ITGAE: variants seen among roughly 807,000 people sequenced by gnomAD.
ITGAE encodes the protein integrin subunit alpha E.
In ITGAE, 99 loss-of-function variants were observed where a neutral mutation model predicts 136.5. The ratio of observed to expected loss-of-function variants is 0.73; its 90% CI spans 0.62 to 0.86. The LOEUF (loss-of-function observed/expected upper bound fraction) is 0.86, where lower values mean the gene tolerates loss of function less well. Among genes scored for constraint, ITGAE ranks in the 40% least tolerant of loss-of-function variants. The pLI is 0.00. For synonymous variants in ITGAE, 613 were observed against 591.8 expected (o/e 1.04, Z -0.52); for missense variants, 1,447 against 1,515.3 (o/e 0.95, Z 0.75).
At position 3,796,263 on chromosome 17, in the gene ITGAE, G is replaced by A. The variant is rs76283614; in HGVS notation, c.34+4848C>T. Among the ~76,000 whole-genome samples, 547 of 151,946 alleles carry A rather than the reference G, an allele frequency of 3.6e-3. 7 individuals are homozygous for A. The highest frequency in any genetic ancestry group is 0.03 in the Admixed American group (453 of 15,228). On this transcript the variant is annotated intron_variant, in intron 1 of 30. Coordinates refer to ENST00000263087, the MANE Select transcript of ITGAE (RefSeq NM_002208.5). Reference sequence around the variant, plus strand: ...CTGGTGCCCAGGTCTGCCAGGCCTGGCTCAGCTTGTTTCCTCAGACTGGAC... The same window carrying A: ...CTGGTGCCCAGGTCTGCCAGGCCTGACTCAGCTTGTTTCCTCAGACTGGAC...
intron 19 of ITGAE, among the ~76,000 whole-genome samples, chr17:3,740,745 T>G (rs2051566072): frequency 6.6e-6 from 1 of 152,244 alleles, no homozygotes; most frequent in South Asian, 2.1e-4. Flanking sequence ...GAAAGCCACA[T>G]TTCAAAAGGC....
At position 3,725,202 on chromosome 17, in the gene ITGAE, C is replaced by T. The variant is rs771880078; in HGVS notation, c.3085-1458G>A. The T allele has an allele frequency of 4.3e-6, 7 of 1,614,038 alleles. No individual in the cohort carries two copies. The highest frequency in any genetic ancestry group is 4.5e-5 in the East Asian group (2 of 44,894). On this transcript the variant is annotated intron_variant, in intron 26 of 30. Coordinates refer to ENST00000263087, the MANE Select transcript of ITGAE (RefSeq NM_002208.5). ...ATCCCTCCTATCAGAATGTTCAAAC[C>T]GGCCTGTCATGAACAGAACAAGTGG...
Position 3,731,060 on chromosome 17 carries a change from C to G in ITGAE, c.2834+44G>C, listed in dbSNP as rs771551030. The G allele has an allele frequency of 2.0e-6, 3 of 1,512,276 alleles. No individual in the cohort carries two copies. In the African/African-American group the frequency reaches 4.1e-5, roughly 21 times the overall value. 93.7% of individuals were successfully genotyped at this position (1,512,276 alleles called of 1,614,324 possible). ...CGTGCATGTGGCAGGGAGATGTCTT[C>G]CGGGGTCATAGCCTGACTCTGCTGT... On this transcript the variant is annotated intron_variant, in intron 23 of 30. Coordinates refer to ENST00000263087, the MANE Select transcript of ITGAE (RefSeq NM_002208.5).
At chr17:3,765,725 T>C (rs988483964) in intron 2 of ITGAE, among the ~76,000 whole-genome samples, 1 of 152,088 alleles carries the variant, frequency 6.6e-6, no homozygotes, top group Admixed American at 6.6e-5. Context: ...TCGAACACTT[T>C]TTTCTAGATT....
chr17:3,750,301 C>A (rs930576776), intron 16 of ITGAE, 51 bp downstream of exon 16: 2 of 1,605,380 alleles, frequency 1.2e-6, no homozygotes. Context: ...TAGAGCAGGG[C>A]AAATGGGTGA....
chr17:3,737,348 G>A (rs2051481766), intron 20 of ITGAE, among the ~76,000 whole-genome samples: 1 of 152,074 alleles, frequency 6.6e-6, no homozygotes. Context: ...AGAAGTCAGA[G>A]ACAGTAAAGC....
chr17:3,726,965 T>A (rs1326921611), intron 26 of ITGAE, among the ~76,000 whole-genome samples: 2 of 152,056 alleles, frequency 1.3e-5, no homozygotes, highest in Non-Finnish European at 2.9e-5. Context: ...CCTCACCTTG[T>A]GATCCACCCA....
chr17:3,726,558 T>G, intron 26 of ITGAE: 1 of 519,670 alleles, frequency 1.9e-6, no homozygotes, highest in Non-Finnish European at 3.4e-6. Context: ...CCGGGCACAG[T>G]GGCGTGCGCC....
Position 3,747,994 on chromosome 17 carries a change from T to C in ITGAE, c.2083A>G (p.Ile695Val). 6.2e-7 allele frequency: 1 copy of C among 1,612,550 alleles called. No homozygotes were observed. Reference protein sequence around the residue: ...SMAFTPSALPIGFNGVVNVRL... With the variant: ...SMAFTPSALPVGFNGVVNVRL... ...ACATTCACGACGCCGTTGAAGCCGATGGGCAGTGCGCTGGGGGTGAAGGCC... is the reference window on the plus strand; with the variant it reads ...ACATTCACGACGCCGTTGAAGCCGACGGGCAGTGCGCTGGGGGTGAAGGCC... Residue 695 changes from isoleucine to valine, a missense_variant, in exon 17 of 31, where the codon ATC becomes GTC. Coordinates refer to ENST00000263087, the MANE Select transcript of ITGAE (RefSeq NM_002208.5).
chr17:3,715,118 T>G (rs1386498849), intron 30 of ITGAE, among the ~76,000 whole-genome samples, 176 bp from the exon 31 acceptor site: 1 of 152,180 alleles, frequency 6.6e-6, no homozygotes, highest in African/African-American at 2.4e-5. Context: ...CTTCAAGACC[T>G]CTGGTGCTCA....
chr17:3,753,342 T>C lies in ITGAE; in HGVS notation c.1616A>G (p.Tyr539Cys), dbSNP rs142745009. 8 of 1,613,926 alleles carry C rather than the reference T, an allele frequency of 5.0e-6. No homozygotes were observed. Among genetic ancestry groups the C allele is most frequent in the African/African-American group, 1.3e-5 (1 of 74,878 alleles). The change falls in exon 14 of 31, where the codon TAC becomes TGC. Residue 539 changes from tyrosine (Y) to cysteine (C), a missense_variant. Tyr to Cys is a radical substitution (Grantham distance 194). Coordinates refer to ENST00000263087, the MANE Select transcript of ITGAE (RefSeq NM_002208.5). Reference protein sequence around the residue: ...TDFLLVAAPFYHVHGEEGRVY... With the variant: ...TDFLLVAAPFCHVHGEEGRVY... The stretch of plus-strand genomic sequence containing the variant: ...TCTGCCTTCTTCTCCATGAACGTGG[T>C]AAAATGGAGCAGCCACCAGCAAGAA...
intron 3 of ITGAE, among the ~76,000 whole-genome samples, chr17:3,762,370 C>T (rs2052194176): frequency 6.6e-6 from 1 of 152,086 alleles, no homozygotes; most frequent in Non-Finnish European, 1.5e-5. Context: ...TGCAAGATAC[C>T]GTGGGACTGG....
chr17:3,782,307 G>T (rs1461068633), intron 1 of ITGAE, among the ~76,000 whole-genome samples: 2 of 141,532 alleles, frequency 1.4e-5, no homozygotes, highest in Admixed American at 7.3e-5. Context: ...AAAAAGCATG[G>T]TCTGACCATG....
chr17:3,759,686 G>C, intron 7 of ITGAE, 133 bp from the exon 8 acceptor site: 1 of 1,064,960 alleles, frequency 9.4e-7, no homozygotes, highest in Non-Finnish European at 1.4e-6. Flanking sequence ...TGCTAAGGCA[G>C]AGCAAAATCT....
intron 18 of ITGAE, 44 bp downstream of exon 18, chr17:3,745,720 T>G (rs766423338): frequency 6.3e-7 from 1 of 1,590,784 alleles, no homozygotes. Context: ...CCTTTCTCAA[T>G]GACAAAGACC....
chr17:3,790,171 C>T (rs2064295167), intron 1 of ITGAE, among the ~76,000 whole-genome samples: 1 of 152,074 alleles, frequency 6.6e-6, no homozygotes, highest in South Asian at 2.1e-4. Context: ...GTCTTCAGAC[C>T]ACATTCTGAG....
chr17:3,742,838 G>T (rs755737835), intron 19 of ITGAE, among the ~76,000 whole-genome samples: 3 of 152,138 alleles, frequency 2.0e-5, no homozygotes, highest in Non-Finnish European at 4.4e-5. Context: ...TTTTAGTAGA[G>T]ACAGGGTTTC....
chr17:3,784,131 G>A (rs2052728208), intron 1 of ITGAE, among the ~76,000 whole-genome samples: 2 of 151,978 alleles, frequency 1.3e-5, no homozygotes, highest in Non-Finnish European at 2.9e-5. Flanking sequence ...GTGGTGGCGG[G>A]CGCCTGTAGT....
rs531502084 is a variant in ITGAE at position 3,784,949 on chromosome 17, T to C, written c.35-7289A>G. Among the ~76,000 whole-genome samples the C allele has an allele frequency of 2.0e-4, 31 of 152,092 alleles. No homozygotes were observed. In the South Asian group the frequency reaches 2.7e-3, roughly 13 times the overall value. On this transcript the variant is annotated intron_variant, in intron 1 of 30. Coordinates refer to ENST00000263087, the MANE Select transcript of ITGAE (RefSeq NM_002208.5). ...GAGTTCAAGACCAGCCTGGGCAACATGGCTGGTATCTAACAAAAATACCAA... is the reference window on the plus strand; with the variant it reads ...GAGTTCAAGACCAGCCTGGGCAACACGGCTGGTATCTAACAAAAATACCAA...
Sources: allele counts gnomAD v4.1 joint callset (sites outside exome capture counted in the v4.1 genomes callset), GRCh38; gene constraint gnomAD v4.1.1; transcripts MANE v1.5; gene names NCBI Gene and HGNC (gene_info 2026-07-23, HGNC 2026-07-21).